MGAT4C: variants seen among roughly 807,000 people sequenced by gnomAD.
MGAT4C encodes the protein MGAT4 family member C.
Under a neutral mutation model 40.1 loss-of-function variants are expected in MGAT4C, and 19 were observed. The observed-to-expected ratio is 0.47, with a 90% CI of 0.33 to 0.70. The LOEUF (loss-of-function observed/expected upper bound fraction) is 0.70. Among genes scored for constraint, MGAT4C ranks in the 30% least tolerant of loss-of-function variants. MGAT4C has a pLI of 0.02. For synonymous variants in MGAT4C, 181 were observed against 187.1 expected (o/e 0.97, Z 0.27); for missense variants, 491 against 563.2 (o/e 0.87, Z 1.30).
At chr12:86,229,999 T>C (rs1400081895) in intron 1 of MGAT4C, among the ~76,000 whole-genome samples, 1 of 151,992 alleles carries the variant, frequency 6.6e-6, no homozygotes, top group Non-Finnish European at 1.5e-5. Context: ...AAAGAGACAA[T>C]GTCAATCTAA....
intron 2 of MGAT4C, among the ~76,000 whole-genome samples, chr12:86,571,242 T>C (rs1960351014): frequency 6.6e-6 from 1 of 152,178 alleles, no homozygotes; most frequent in South Asian, 2.1e-4. Flanking sequence ...AAATACATTT[T>C]ATAGTAGTGA....
intron 2 of MGAT4C, among the ~76,000 whole-genome samples, chr12:86,589,527 G>C (rs1470507485): frequency 6.6e-6 from 1 of 151,834 alleles, no homozygotes; most frequent in African/African-American, 2.4e-5. Context: ...AATAGAAAAA[G>C]AGGGAATCCT....
At chr12:86,445,987 G>A (rs528926631) in intron 2 of MGAT4C, among the ~76,000 whole-genome samples, 1 of 152,090 alleles carries the variant, frequency 6.6e-6, no homozygotes, top group South Asian at 2.1e-4. Flanking sequence ...CATTCACTGT[G>A]CAAAGGTACT....
intron 2 of MGAT4C, among the ~76,000 whole-genome samples, chr12:86,560,443 C>T (rs901986810): frequency 9.9e-5 from 15 of 152,008 alleles, no homozygotes; most frequent in Non-Finnish European, 1.5e-5. Flanking sequence ...ACACCATGAT[C>T]AAGTGAGGTT....
chr12:86,812,330 G>A (rs1421812871), intron 1 of MGAT4C, among the ~76,000 whole-genome samples: 4 of 152,024 alleles, frequency 2.6e-5, no homozygotes, highest in Admixed American at 2.6e-4. Flanking sequence ...TGAGTGTGCT[G>A]TTCAGATTTT....
intron 1 of MGAT4C, among the ~76,000 whole-genome samples, chr12:86,782,161 TG>T (rs1951853780): frequency 9.1e-6 from 1 of 109,888 alleles, no homozygotes; most frequent in Admixed American, 1.2e-4. Context: ...CCTGGCTAAA[TG>T]TTTTTTGTAT....
intron 1 of MGAT4C, among the ~76,000 whole-genome samples, chr12:86,766,357 G>C (rs1028297038): frequency 6.6e-5 from 10 of 152,082 alleles, no homozygotes; most frequent in Non-Finnish European, 4.4e-5. Context: ...GGAGCACCCA[G>C]ATTCATAAAG....
At chr12:86,568,642 A>G (rs899363879) in intron 2 of MGAT4C, among the ~76,000 whole-genome samples, 2 of 151,834 alleles carry the variant, frequency 1.3e-5, no homozygotes, top group Admixed American at 1.3e-4. Context: ...CAGAAAGAAC[A>G]AAGCTCAAAG....
chr12:86,127,547 C>A (rs963028383), intron 1 of MGAT4C, among the ~76,000 whole-genome samples: 1 of 151,590 alleles, frequency 6.6e-6, no homozygotes, highest in Non-Finnish European at 1.5e-5. Context: ...ATTACTTCAA[C>A]TTATCTTATA....
At chr12:86,443,092 G>A (rs1193153734) in intron 2 of MGAT4C, among the ~76,000 whole-genome samples, 1 of 152,066 alleles carries the variant, frequency 6.6e-6, no homozygotes, top group African/African-American at 2.4e-5. Flanking sequence ...AATTTTATGG[G>A]ACTTGCATTA....
chr12:86,404,466 A>G (rs1367708159), intron 3 of MGAT4C, among the ~76,000 whole-genome samples: 1 of 152,144 alleles, frequency 6.6e-6, no homozygotes, highest in Non-Finnish European at 1.5e-5. Context: ...TTATTTTAAG[A>G]GCCCTAAGTA....
chr12:86,305,214 C>G (rs28570198), intron 4 of MGAT4C, among the ~76,000 whole-genome samples: 1 of 150,178 alleles, frequency 6.7e-6, no homozygotes, highest in Admixed American at 6.6e-5. Context: ...CCGAAGCAGG[C>G]GGATCACCTG....
At chr12:86,769,701 T>C (rs1239115289) in intron 1 of MGAT4C, among the ~76,000 whole-genome samples, 1 of 152,086 alleles carries the variant, frequency 6.6e-6, no homozygotes, top group Admixed American at 6.6e-5. Context: ...AATGATGAGT[T>C]CATGTCCTTT....
intron 1 of MGAT4C, among the ~76,000 whole-genome samples, chr12:86,142,559 T>C (rs189768528): frequency 9.2e-5 from 14 of 152,308 alleles, no homozygotes; most frequent in African/African-American, 3.1e-4. Context: ...CTCATTTTCA[T>C]AGCTGTAGTT....
Position 86,010,465 on chromosome 12 carries a change from G to T in MGAT4C, c.-6-20913C>A, listed in dbSNP as rs192082056. 2.3e-3 allele frequency among the ~76,000 whole-genome samples: 344 copies of T among 152,256 alleles called. 3 individuals carry two copies. The highest frequency in any genetic ancestry group is 7.9e-3 in the African/African-American group (327 of 41,534). On this transcript the variant is annotated intron_variant, in intron 2 of 4. Transcript: ENST00000611864. ...GAGGCTGAGGCGGGCAGATCACGAG[G>T]TCAAGAGTTTGAGACCAACCTGGAC...
intron 2 of MGAT4C, among the ~76,000 whole-genome samples, chr12:86,672,110 C>A (rs1020708749): frequency 1.3e-5 from 2 of 151,802 alleles, no homozygotes; most frequent in African/African-American, 4.8e-5. Context: ...TGGAACAAAA[C>A]TAGAAATTAA....
intron 1 of MGAT4C, among the ~76,000 whole-genome samples, chr12:86,253,178 G>A (rs1952372193): frequency 6.6e-6 from 1 of 151,836 alleles, no homozygotes; most frequent in South Asian, 2.1e-4. Context: ...GTAAATTAAA[G>A]ATGAGAGCTT....
intron 1 of MGAT4C, among the ~76,000 whole-genome samples, chr12:86,138,309 ATT>A (rs1015178568): frequency 2.1e-5 from 3 of 140,030 alleles, no homozygotes; most frequent in Admixed American, 1.4e-4. Context: ...TGTTACAATC[ATT>A]TTTTTTTTTT....
intron 4 of MGAT4C, among the ~76,000 whole-genome samples, chr12:86,299,224 C>G (rs888168785): frequency 9.8e-5 from 15 of 152,292 alleles, no homozygotes; most frequent in African/African-American, 3.1e-4. Context: ...TCAGTTCATT[C>G]TCCTGCTTCA....
Sources: gnomAD v4.1 joint callset for allele counts (sites outside exome capture counted in the v4.1 genomes callset) on GRCh38, gnomAD v4.1.1 for gene constraint, MANE v1.5 for transcripts, NCBI Gene and HGNC (gene_info 2026-07-23, HGNC 2026-07-21) for gene names.